Variants in CENPC observed in about 807,000 individuals in gnomAD.
The protein encoded by CENPC is centromere protein C.
A neutral mutation model predicts 112.1 loss-of-function variants in CENPC; 63 were observed. The ratio of observed to expected loss-of-function variants is 0.56; its 90% confidence interval spans 0.46 to 0.69. The LOEUF (loss-of-function observed/expected upper bound fraction) is 0.69. Ranked by LOEUF, CENPC falls within the 30% of genes least tolerant of loss-of-function variation. The pLI is 0.00. For synonymous variants in CENPC, 333 were observed against 367.6 expected, an observed-to-expected ratio of 0.91 and a Z score of 1.08; for missense variants, 1,000 against 1,103.8, an observed-to-expected ratio of 0.91 and a Z score of 1.33.
At chr4:67,499,224 T>G (rs1214246771) in intron 12 of CENPC, among the ~76,000 whole-genome samples, 1 of 152,330 alleles carries the variant, frequency 6.6e-6, no homozygotes, top group South Asian at 2.1e-4. Flanking sequence ...ACCAGCTGTA[T>G]TAGCCCTTAA....
chr4:67,492,267 A>G lies in CENPC; in HGVS notation c.2428T>C (p.Leu810=), dbSNP rs1027357433. The change falls in exon 16 of 19, where the codon TTA becomes CTA. Residue 810 remains leucine (L), a synonymous_variant. Transcript: ENST00000273853. ...AGAGGTATACCTAGATTTACCATTA[A>G]GTTAGTCTCTGCAAAAGAAATACCA... ...CLDNDERKTN[L]MVNLGIPLGD... is the part of the protein sequence containing the mutation. The G allele has an allele frequency of 6.4e-7, 1 of 1,554,118 alleles. No homozygotes were observed. Among genetic ancestry groups the G allele is most frequent in the African/African-American group, 1.4e-5 (1 of 73,594 alleles).
At chr4:67,500,940 C>G (rs1249071921) in intron 12 of CENPC, among the ~76,000 whole-genome samples, 2 of 152,028 alleles carry the variant, frequency 1.3e-5, no homozygotes, top group African/African-American at 4.8e-5. Context: ...TAATATTTAT[C>G]AATTATAAGA....
chr4:67,492,184 G>A lies in CENPC; in HGVS notation c.2511C>T (p.Leu837=), dbSNP rs1275292725. The A allele has an allele frequency of 6.5e-7, 1 of 1,550,050 alleles. No homozygotes were observed. The highest frequency in any genetic ancestry group is 1.2e-5 in the South Asian group (1 of 84,242). ...CAGTATCATGCCTGATCTTACCCAT[G>A]AGAATAATCTCTCTTGTTTCTGGGT... ...VKDPETREII[L]MDLVRPQDTY... The change falls in exon 16 of 19, where the codon CTC becomes CTT. Residue 837 remains leucine, a synonymous_variant. Coordinates refer to ENST00000273853, the MANE Select transcript of CENPC (RefSeq NM_001812.4).
intron 4 of CENPC, among the ~76,000 whole-genome samples, chr4:67,534,283 GCAGGCAC>G (rs2109829396): frequency 6.6e-6 from 1 of 152,128 alleles, no homozygotes; most frequent in African/African-American, 2.4e-5. Context: ...AGGAATGGTG[GCAGGCAC>G]CTGTAGTCCC....
At chr4:67,521,823 T>C (rs1308476771) in intron 5 of CENPC, among the ~76,000 whole-genome samples, 2 of 152,266 alleles carry the variant, frequency 1.3e-5, no homozygotes, top group South Asian at 2.1e-4. Flanking sequence ...TACTACAACA[T>C]GGATGAACCT....
chr4:67,523,552 C>T (rs541410008), intron 5 of CENPC, among the ~76,000 whole-genome samples: 10 of 152,242 alleles, frequency 6.6e-5, no homozygotes, highest in East Asian at 1.9e-4. Context: ...GAATAATCCA[C>T]GTGGTAATGG....
rs1726079729 is a variant in CENPC, at chr4:67,517,126, G to A, written c.830+1030C>T. The stretch of plus-strand genomic sequence containing the variant: ...CAGGAAGCAGAGACTGAACAAAAGG[G>A]GAATTTCATTCATTCATTTAACATG... On this transcript the variant is annotated intron_variant, in intron 7 of 18. Transcript: ENST00000273853. Among the ~76,000 whole-genome samples, 2 of 151,578 alleles carry A rather than the reference G, an allele frequency of 1.3e-5. 1 individual carries two copies. Among genetic ancestry groups the A allele is most frequent in the African/African-American group, 4.9e-5 (2 of 41,050 alleles).
In CENPC at chr4:67,490,833, AATAAAT is replaced by A. The variant is rs1195535758; in HGVS notation, c.2516-718_2516-713del. ...GATCCTACAGACTACATGATATAGA[AATAAAT>A]ATATATATATATATATATATATATA... On this transcript the variant is annotated intron_variant, in intron 16 of 18. Transcript: ENST00000273853. Among the ~76,000 whole-genome samples, 96 of 104,524 alleles carry A rather than the reference AATAAAT, an allele frequency of 9.2e-4. 1 individual carries two copies. In the South Asian group the frequency reaches 0.014, roughly 15 times the overall value. The allele number at this position is 104,524 out of a possible 152,430, so 68.6% of individuals were successfully genotyped here. A position where few individuals can be genotyped will look rare whatever the true frequency, so the allele number is the denominator to read the frequency against.
At position 67,505,317 on chromosome 4, in the gene CENPC, C is replaced by G. The variant is rs375531779; in HGVS notation, c.2052-33G>C. On this transcript the variant is annotated intron_variant, in intron 11 of 18. Transcript: ENST00000273853. The stretch of plus-strand genomic sequence containing the variant: ...AAAAAAGGAAACCACAAAATTAATG[C>G]TTTTATAATACATATATCTAATGTA... The G allele has an allele frequency of 2.4e-6, 3 of 1,231,776 alleles. No homozygotes were observed. In the African/African-American group the frequency reaches 4.6e-5, roughly 19 times the overall value. The allele number at this position is 1,231,776 out of a possible 1,614,324, so 76.3% of individuals were successfully genotyped here.
intron 5 of CENPC, among the ~76,000 whole-genome samples, chr4:67,519,790 T>C (rs1327549239): frequency 6.6e-6 from 1 of 152,170 alleles, no homozygotes. Context: ...CATGTGTGTA[T>C]ATATACATAC....
intron 12 of CENPC, among the ~76,000 whole-genome samples, chr4:67,499,078 G>T (rs1725518889): frequency 6.6e-6 from 1 of 152,182 alleles, no homozygotes; most frequent in Admixed American, 6.5e-5. Flanking sequence ...CTGCTGGGTG[G>T]CCTGGTGCAT....
chr4:67,474,951 A>C lies in CENPC; in HGVS notation c.2698T>G (p.Leu900Val), dbSNP rs1217308958. ...LVFYVNFGDL[L>V]CTLHETPYIL... ...TAAGGTGTTTCATGTAAAGTACACA[A>C]AAGGTCACCAAAGTTAACATAAAAA... The change falls in exon 18 of 19, where the codon TTG becomes GTG. Residue 900 changes from leucine (L) to valine (V), a missense_variant. Coordinates refer to ENST00000273853, the MANE Select transcript of CENPC (RefSeq NM_001812.4). The C allele has an allele frequency of 1.3e-6, 2 of 1,561,884 alleles. No individual in the cohort carries two copies. Among genetic ancestry groups the C allele is most frequent in the Admixed American group, 3.8e-5 (2 of 52,582 alleles).
chr4:67,493,822 G>T, intron 14 of CENPC, 62 bp downstream of exon 14: 1 of 981,258 alleles, frequency 1.0e-6, no homozygotes, highest in Non-Finnish European at 1.6e-6. Context: ...ATGTAGTGCA[G>T]TGTCTGGCAC....
At position 67,469,977 on chromosome 4, in the gene CENPC, C is replaced by T. The variant is rs1267551865; in HGVS notation, c.*2628G>A. ...GTATCTGTGACATCTAATGTGGTAG[C>T]CACCAGTACCATGTGCTACTAAGCA... On this transcript the variant is annotated 3_prime_UTR_variant, in exon 19 of 19. Coordinates refer to ENST00000273853, the MANE Select transcript of CENPC (RefSeq NM_001812.4). 6.6e-6 allele frequency: 1 copy of T among 152,184 alleles called. No homozygotes were observed. Among genetic ancestry groups the T allele is most frequent in the Non-Finnish European group, 1.5e-5 (1 of 68,042 alleles). The allele number at this position is 152,184 out of a possible 1,614,324, so 9.4% of individuals were successfully genotyped here.
intron 17 of CENPC, among the ~76,000 whole-genome samples, chr4:67,481,578 T>A (rs143480609): frequency 6.6e-6 from 1 of 152,038 alleles, no homozygotes; most frequent in Non-Finnish European, 1.5e-5. Flanking sequence ...TGGAACTGAA[T>A]AGAGCCTAGA....
At chr4:67,483,976 G>C (rs960155628) in intron 17 of CENPC, among the ~76,000 whole-genome samples, 1 of 152,138 alleles carries the variant, frequency 6.6e-6, no homozygotes, top group African/African-American at 2.4e-5. Context: ...TATGAATTTA[G>C]TGTGGCCTAA....
At chr4:67,503,964 C>A (rs148626130) in intron 12 of CENPC, among the ~76,000 whole-genome samples, 4 of 151,880 alleles carry the variant, frequency 2.6e-5, no homozygotes, top group African/African-American at 9.7e-5. Context: ...AATATGTATT[C>A]ATCTTTATAT....
intron 17 of CENPC, among the ~76,000 whole-genome samples, chr4:67,476,648 G>A (rs1364059877): frequency 6.6e-6 from 1 of 152,144 alleles, no homozygotes; most frequent in Non-Finnish European, 1.5e-5. Context: ...TTTTGATGAA[G>A]CGTGAATTTT....
At position 67,472,471 on chromosome 4, in the gene CENPC, C is replaced by T. The variant is rs534757530; in HGVS notation, c.*134G>A. 3 of 1,137,266 alleles carry T rather than the reference C, an allele frequency of 2.6e-6. No individual in the cohort carries two copies. The highest frequency in any genetic ancestry group is 4.1e-5 in the Admixed American group (1 of 24,104). 70.4% of individuals were successfully genotyped at this position (1,137,266 alleles called of 1,614,324 possible). On this transcript the variant is annotated 3_prime_UTR_variant, in exon 19 of 19. Transcript: ENST00000273853. ...GTGAGTTAGAAATGTTTATCAAATACAAGTCTACAGAAAACTGAATAAAAT... is the reference window on the plus strand; with the variant it reads ...GTGAGTTAGAAATGTTTATCAAATATAAGTCTACAGAAAACTGAATAAAAT...
Sources: gnomAD v4.1 joint callset for allele counts (sites outside exome capture counted in the v4.1 genomes callset) on GRCh38, gnomAD v4.1.1 for gene constraint, MANE v1.5 for transcripts, NCBI Gene and HGNC (gene_info 2026-07-23, HGNC 2026-07-21) for gene names.